Variants in ADAMTS2 observed in about 807,000 individuals in gnomAD.
ADAMTS2 encodes A disintegrin and metalloproteinase with thrombospondin motifs 2.
ADAMTS2 carries 50 observed loss-of-function variants against 123.0 expected under a neutral mutation model. The ratio of observed to expected loss-of-function variants is 0.41; its 90% confidence interval spans 0.32 to 0.51. ADAMTS2 has a LOEUF of 0.51. ADAMTS2 is among the 20% of genes least tolerant of loss of function. The probability of loss-of-function intolerance (pLI) is 0.35; values close to 1 mark genes in which losing one functional copy is unlikely to be tolerated. For synonymous variants in ADAMTS2, 678 were observed against 695.4 expected, an observed-to-expected ratio of 0.98 and a Z score of 0.39; for missense variants, 1,494 against 1,705.2, an observed-to-expected ratio of 0.88 and a Z score of 2.18.
chr5:179,115,213 C>T lies in ADAMTS2; in HGVS notation c.3179-889G>A, dbSNP rs1762638503. On this transcript the variant is annotated intron_variant, in intron 21 of 21. Coordinates refer to ENST00000251582, the MANE Select transcript of ADAMTS2 (RefSeq NM_014244.5). The surrounding 1 kb of genome is among the most constrained non-coding windows in gnomAD (Gnocchi z 4.4). ...CTCACTTTCCACCCAGCCATCTTCT[C>T]CCTGGCCCATCTCGACCTCTGTCTG... Among the ~76,000 whole-genome samples the T allele has an allele frequency of 6.6e-6, 1 of 152,158 alleles. No individual in the cohort carries two copies. The highest frequency in any genetic ancestry group is 1.5e-5 in the Non-Finnish European group (1 of 68,018).
At chr5:179,298,584 C>T (rs112905497) in intron 2 of ADAMTS2, among the ~76,000 whole-genome samples, 4 of 152,128 alleles carry the variant, frequency 2.6e-5, no homozygotes, top group African/African-American at 7.2e-5. Flanking sequence ...GCAGCCTGAA[C>T]GGAGGGACAC....
chr5:179,124,980 C>T lies in ADAMTS2; in HGVS notation c.2951G>A (p.Trp984Ter). The T allele has an allele frequency of 6.2e-7, 1 of 1,605,060 alleles. No individual in the cohort carries two copies. Among genetic ancestry groups the T allele is most frequent in the Non-Finnish European group, 8.5e-7 (1 of 1,177,854 alleles). Residue 984 changes from tryptophan (W) to a stop codon, truncating the protein, a stop_gained, in exon 19 of 22, where the codon TGG (tryptophan) becomes TAG (stop). Coordinates refer to ENST00000251582, the MANE Select transcript of ADAMTS2 (RefSeq NM_014244.5). LOFTEE classifies it high-confidence loss of function. ...LCPGRWRAGP[W>*]SQCSVTCGNG... is the part of the protein sequence containing the mutation. ...GATCGGGGGATTGCGTACCTGGGACCAGGGCCCGGCTCGCCAACGACCAGG... is the reference window on the plus strand; with the variant it reads ...GATCGGGGGATTGCGTACCTGGGACTAGGGCCCGGCTCGCCAACGACCAGG...
rs149210855 is a variant in ADAMTS2, at chr5:179,301,545, C to T, written c.535-28481G>A. 6.2e-3 allele frequency among the ~76,000 whole-genome samples: 952 copies of T among 152,346 alleles called. 13 individuals are homozygous for T. The highest frequency in any genetic ancestry group is 0.027 in the Middle Eastern group (8 of 294). On this transcript the variant is annotated intron_variant, in intron 2 of 21. Transcript: ENST00000251582. ...ACAGGGCTGGGCTCCTCCCCAGCCC[C>T]GCACTGGGACAGGGGCATCTCTTGA...
intron 2 of ADAMTS2, among the ~76,000 whole-genome samples, chr5:179,309,312 C>T (rs1369415766): frequency 6.6e-6 from 1 of 152,220 alleles, no homozygotes; most frequent in African/African-American, 2.4e-5. Flanking sequence ...AGAAAGGCCA[C>T]CTCTTCGGGA....
rs1763623526 is a variant in ADAMTS2, at chr5:179,162,869, TTTGGGGGACCACAGGGACCCCAG to T, written c.976-4013_976-3991del. Among the ~76,000 whole-genome samples the T allele has an allele frequency of 6.6e-6, 1 of 152,214 alleles. No homozygotes were observed. Among genetic ancestry groups the T allele is most frequent in the Non-Finnish European group, 1.5e-5 (1 of 68,032 alleles). On this transcript the variant is annotated intron_variant, in intron 5 of 21. Transcript: ENST00000251582. This position sits in a 1 kb window ranked among gnomAD's most constrained non-coding sequence, Gnocchi z 5.1. ...AGAATCTGAGCCACGTGCTTCCTCC[TTTGGGGGACCACAGGGACCCCAG>T]TCAGGACACTCGCTGGCCCATGAAA...
intron 2 of ADAMTS2, among the ~76,000 whole-genome samples, chr5:179,282,704 C>A (rs1273392563): frequency 2.6e-5 from 4 of 152,146 alleles, no homozygotes; most frequent in Non-Finnish European, 5.9e-5. Flanking sequence ...ATTCTGGAGT[C>A]ATGTTTGGTA....
Position 179,273,164 on chromosome 5 carries a change from A to G in ADAMTS2, c.535-100T>C. The G allele has an allele frequency of 2.6e-6, 4 of 1,558,166 alleles. No homozygotes were observed. In the South Asian group the frequency reaches 4.5e-5, roughly 17 times the overall value. On this transcript the variant is annotated intron_variant, in intron 2 of 21. Transcript: ENST00000251582. ...CTCAGGGAGTACCTCCCACCTGAAG[A>G]CCCTGCCCAGCACCCCAGCTGGTGC... is the stretch of plus-strand genomic sequence containing the variant.
Position 179,230,489 on chromosome 5 carries a change from C to T in ADAMTS2, c.689-22774G>A, listed in dbSNP as rs529303804. 4.6e-5 allele frequency among the ~76,000 whole-genome samples: 7 copies of T among 151,440 alleles called. No individual in the cohort carries two copies. The East Asian group carries it at 1.0e-3, about 22-fold the overall frequency. ...ACACACATCAAATACATACGCTTGACGTTATGCCCGGGAGGGCTGTGCACA... is the reference window on the plus strand; with the variant it reads ...ACACACATCAAATACATACGCTTGATGTTATGCCCGGGAGGGCTGTGCACA... On this transcript the variant is annotated intron_variant, in intron 3 of 21. Coordinates refer to ENST00000251582, the MANE Select transcript of ADAMTS2 (RefSeq NM_014244.5).
At position 179,123,592 on chromosome 5, in the gene ADAMTS2, A is replaced by T. The variant is rs943627059; in HGVS notation, c.2959-819T>A. On this transcript the variant is annotated intron_variant, in intron 19 of 21. Coordinates refer to ENST00000251582, the MANE Select transcript of ADAMTS2 (RefSeq NM_014244.5). Reference sequence around the variant, plus strand: ...AGGCACACGCCACCACATCTGGCTAATTTTTTTTAATTTTTTTGTAAAGAC... The same window carrying T: ...AGGCACACGCCACCACATCTGGCTATTTTTTTTTAATTTTTTTGTAAAGAC... Among the ~76,000 whole-genome samples the T allele has an allele frequency of 1.0e-3, 154 of 152,066 alleles. 2 individuals are homozygous for T. The highest frequency in any genetic ancestry group is 3.4e-3 in the African/African-American group (143 of 41,462).
At chr5:179,190,989 TG>T (rs1270347952) in intron 4 of ADAMTS2, among the ~76,000 whole-genome samples, 1 of 152,242 alleles carries the variant, frequency 6.6e-6, no homozygotes, top group Non-Finnish European at 1.5e-5. Context: ...GCGTCGCCTT[TG>T]GGGAAACAAC....
intron 3 of ADAMTS2, among the ~76,000 whole-genome samples, chr5:179,252,814 C>T (rs1765958512): frequency 6.6e-6 from 1 of 152,110 alleles, no homozygotes; most frequent in Non-Finnish European, 1.5e-5. Flanking sequence ...GGTTTTTTGT[C>T]TACTTGATCC....
intron 2 of ADAMTS2, among the ~76,000 whole-genome samples, chr5:179,290,882 G>A (rs2113543234): frequency 6.6e-6 from 1 of 152,326 alleles, no homozygotes; most frequent in Admixed American, 6.5e-5. Flanking sequence ...GGAACACCAG[G>A]GAGAACCGTG....
At chr5:179,233,668 T>C (rs983898144) in intron 3 of ADAMTS2, among the ~76,000 whole-genome samples, 2 of 152,144 alleles carry the variant, frequency 1.3e-5, no homozygotes, top group African/African-American at 2.4e-5. Context: ...GCCTGAGTGA[T>C]AGAGTGAGAC....
chr5:179,125,147 C>A lies in ADAMTS2; in HGVS notation c.2784G>T (p.Gln928His), dbSNP rs916565807. 6.2e-7 allele frequency: 1 copy of A among 1,612,802 alleles called. No homozygotes were observed. Among genetic ancestry groups the A allele is most frequent in the Non-Finnish European group, 8.5e-7 (1 of 1,179,934 alleles). ...WVTGEWEPCS[Q>H]TCGRTGMQVR... The stretch of plus-strand genomic sequence containing the variant: ...CCTGCATGCCTGTCCGCCCACAGGT[C>A]TGGCTACATGGCTCCCATTCGCCTG... The change falls in exon 19 of 22, where the codon CAG (glutamine) becomes CAT (histidine). Residue 928 changes from glutamine to histidine, a missense_variant. Around this residue, in one of 6 missense-constraint regions of ADAMTS2, gnomAD observed 953 missense variants for 1,124.7 expected, o/e 0.85. Transcript: ENST00000251582.
chr5:179,296,069 C>G (rs1311212804), intron 2 of ADAMTS2, among the ~76,000 whole-genome samples: 4 of 152,172 alleles, frequency 2.6e-5, no homozygotes, highest in African/African-American at 9.7e-5. Context: ...AAGAGCAAAC[C>G]GAGGAGCTGG....
intron 2 of ADAMTS2, among the ~76,000 whole-genome samples, chr5:179,336,438 G>C (rs985702371): frequency 6.6e-6 from 1 of 152,206 alleles, no homozygotes; most frequent in Non-Finnish European, 1.5e-5. Flanking sequence ...GACAAGCGAC[G>C]GCCAGGCAGC....
chr5:179,123,024 G>A (rs1762791486), intron 19 of ADAMTS2, among the ~76,000 whole-genome samples: 1 of 152,230 alleles, frequency 6.6e-6, no homozygotes, highest in South Asian at 2.1e-4. Flanking sequence ...TATACAGACT[G>A]GCATAGGCCT....
At chr5:179,318,648 G>A (rs1476936677) in intron 2 of ADAMTS2, among the ~76,000 whole-genome samples, 3 of 152,220 alleles carry the variant, frequency 2.0e-5, no homozygotes, top group Admixed American at 6.5e-5. Context: ...TTGTCCCCAT[G>A]AGACCACAGA....
At chr5:179,137,583 T>C (rs901582298) in intron 12 of ADAMTS2, among the ~76,000 whole-genome samples, 186 bp downstream of exon 12, 3 of 152,234 alleles carry the variant, frequency 2.0e-5, no homozygotes, top group African/African-American at 7.2e-5. Context: ...ATTGCAGCCC[T>C]GCTAGGAACT....
Sources: gnomAD v4.1 joint callset for allele counts (sites outside exome capture counted in the v4.1 genomes callset) on GRCh38, gnomAD v4.1.1 for gene constraint, gnomAD v4.1.1 regional missense constraint, Gnocchi (gnomAD v3.1) non-coding constraint, MANE v1.5 for transcripts, NCBI Gene and HGNC (gene_info 2026-07-23, HGNC 2026-07-21) for gene names.